The following LSP1 variants were observed in gnomAD, a reference collection of about 807,000 sequenced individuals.
LSP1 encodes the protein lymphocyte specific protein 1, also known as lymphocyte-specific protein 1.
In LSP1, 32 loss-of-function variants were observed where a neutral mutation model predicts 49.3. That is an observed-to-expected ratio of 0.65 (90% CI 0.49 to 0.87). LSP1 has a LOEUF of 0.87. LSP1 is among the 40% of genes least tolerant of loss of function. The pLI is 0.00. For missense variants in LSP1, 428 were observed against 442.6 expected, an observed-to-expected ratio of 0.97 and a Z score of 0.30; for synonymous variants, 179 against 178.8, an observed-to-expected ratio of 1.00 and a Z score of -0.01.
chr11:1,881,295 C>A, intron 2 of LSP1, 137 bp from the exon 3 acceptor site: 1 of 855,134 alleles, frequency 1.2e-6, no homozygotes, highest in Non-Finnish European at 1.7e-6. Flanking sequence ...GAGACACAGC[C>A]CAGAGCCAGC....
chr11:1,872,469 G>C lies in LSP1; in HGVS notation c.54-7618G>C, dbSNP rs112233254. On this transcript the variant is annotated intron_variant, in intron 1 of 10. Transcript: ENST00000311604. ...TGGTAGAGTTGGGGTCTGTCCGCTG[G>C]CGTGGGCACCTTTGGGATGGGGTGT... Among the ~76,000 whole-genome samples the C allele has an allele frequency of 8.3e-3, 1,165 of 139,812 alleles. 20 individuals are homozygous for C. Among genetic ancestry groups the C allele is most frequent in the African/African-American group, 0.029 (1,055 of 36,294 alleles). 91.7% of individuals were successfully genotyped at this position (139,812 alleles called of 152,430 possible).
At position 1,865,217 on chromosome 11, in the gene LSP1, C is replaced by T. The variant is rs370976270; in HGVS notation, c.53+12020C>T. On this transcript the variant is annotated intron_variant, in intron 1 of 10. Transcript: ENST00000311604. ...AGGCTGCAGCCTGGGCAGTCCCGGG[C>T]TTCTGAGGAGGAACTCTAGCAGACA... 10 of 985,420 alleles carry T rather than the reference C, an allele frequency of 1.0e-5. No homozygotes were observed. In the East Asian group the frequency reaches 3.4e-4, roughly 34 times the overall value. The allele number at this position is 985,420 out of a possible 1,614,324, so 61.0% of individuals were successfully genotyped here.
rs1456495178 is a variant in LSP1, at chr11:1,883,894, C to G, written c.499-38C>G. On this transcript the variant is annotated intron_variant, in intron 4 of 10. Coordinates refer to ENST00000311604, the MANE Select transcript of LSP1 (RefSeq NM_002339.3). ...CTGGGCAGGGCAGGAGGGGCACAAG[C>G]AGGGGGTCACTTGGGATGTCTGTTT... 3.2e-6 allele frequency: 5 copies of G among 1,557,836 alleles called. No homozygotes were observed. The Admixed American group carries it at 9.3e-5, about 29-fold the overall frequency.
chr11:1,868,228 C>T (rs995742430), intron 1 of LSP1, among the ~76,000 whole-genome samples: 8 of 152,212 alleles, frequency 5.3e-5, no homozygotes, highest in East Asian at 1.9e-4. Context: ...GGCACCAGGC[C>T]GGCTGAGAGT....
chr11:1,872,714 C>T (rs1247277520), intron 1 of LSP1, among the ~76,000 whole-genome samples: 1 of 149,660 alleles, frequency 6.7e-6, no homozygotes, highest in African/African-American at 2.5e-5. Flanking sequence ...TGTAGTCACC[C>T]TGGCCTGCGC....
chr11:1,870,000 G>A lies in LSP1; in HGVS notation c.54-10087G>A, dbSNP rs1421855096. ...GTCATCAGCTCCCTGGGACCCCTGC[G>A]TGAGACGTGAGAGGTGCACCTCCGA... is the stretch of plus-strand genomic sequence containing the variant. On this transcript the variant is annotated intron_variant, in intron 1 of 10. Transcript: ENST00000311604. 6.2e-5 allele frequency: 24 copies of A among 385,734 alleles called. No individual in the cohort carries two copies. The East Asian group carries it at 8.1e-4, about 13-fold the overall frequency. The allele number at this position is 385,734 out of a possible 1,614,324, so 23.9% of individuals were successfully genotyped here. A position where few individuals can be genotyped will look rare whatever the true frequency, so the allele number is the denominator to read the frequency against.
At chr11:1,853,616 G>A (rs1589801721) in intron 1 of LSP1, among the ~76,000 whole-genome samples, 1 of 152,194 alleles carries the variant, frequency 6.6e-6, no homozygotes, top group African/African-American at 2.4e-5. Context: ...GCCCGGGCCT[G>A]GCCACCTGCC....
intron 1 of LSP1, among the ~76,000 whole-genome samples, chr11:1,878,921 T>C (rs1848423567): frequency 6.6e-6 from 1 of 151,956 alleles, no homozygotes; most frequent in African/African-American, 2.4e-5. Flanking sequence ...GGGCCGGGGC[T>C]CTGATGCCCA....
chr11:1,883,091 G>C (rs1421032976), intron 3 of LSP1, among the ~76,000 whole-genome samples: 6 of 152,226 alleles, frequency 3.9e-5, no homozygotes, highest in Non-Finnish European at 8.8e-5. Flanking sequence ...TGTGCAAGCA[G>C]CTGCCAAGCT....
intron 7 of LSP1, among the ~76,000 whole-genome samples, chr11:1,886,267 C>T (rs1250691402): frequency 1.3e-5 from 2 of 152,000 alleles, no homozygotes; most frequent in Non-Finnish European, 2.9e-5. Flanking sequence ...CAATCAATGC[C>T]CCTCCATCTA....
chr11:1,881,533 A>G lies in LSP1; in HGVS notation c.293A>G (p.Gln98Arg). 6.4e-7 allele frequency: 1 copy of G among 1,554,532 alleles called. No individual in the cohort carries two copies. Among genetic ancestry groups the G allele is most frequent in the Non-Finnish European group, 8.7e-7 (1 of 1,148,722 alleles). ...PEQRQQHEGA[Q>R]GALDSGEPPQ... The stretch of plus-strand genomic sequence containing the variant: ...CAGCGGCAGCAGCACGAGGGGGCGC[A>G]GGGCGCCTTGGACAGCGGAGAGCCC... Residue 98 changes from glutamine (Q) to arginine (R), a missense_variant, in exon 3 of 11, where the codon CAG (glutamine) becomes CGG (arginine). By Grantham distance (43) the Gln-to-Arg change is conservative. Transcript: ENST00000311604.
chr11:1,865,838 T>G (rs569550), intron 1 of LSP1, among the ~76,000 whole-genome samples: 54,778 of 151,342 alleles, frequency 0.36, 11,355 homozygotes, highest in East Asian at 0.73. Flanking sequence ...ACTTCACAGA[T>G]CATGAAACTG....
chr11:1,865,083 G>T, intron 1 of LSP1: 1 of 450,854 alleles, frequency 2.2e-6, no homozygotes, highest in Non-Finnish European at 2.9e-6. Context: ...GCACAGGGGG[G>T]CAGGGGTGCG....
chr11:1,856,472 C>T (rs916622473), intron 1 of LSP1, among the ~76,000 whole-genome samples: 2 of 152,228 alleles, frequency 1.3e-5, no homozygotes, highest in African/African-American at 2.4e-5. Context: ...GGTGGGAGGC[C>T]GCTGCCCAGG....
intron 1 of LSP1, among the ~76,000 whole-genome samples, chr11:1,875,582 C>T (rs1848273434): frequency 6.6e-6 from 1 of 152,264 alleles, no homozygotes; most frequent in Non-Finnish European, 1.5e-5. Context: ...CTCGGCCTCC[C>T]CAGGCAGAGA....
chr11:1,871,749 G>A (rs1293779861), intron 1 of LSP1, among the ~76,000 whole-genome samples: 3 of 150,998 alleles, frequency 2.0e-5, no homozygotes, highest in Non-Finnish European at 3.0e-5. Context: ...GGTGTGTGTG[G>A]CGGGCAGGCC....
At chr11:1,877,590 C>T (rs4047076) in intron 1 of LSP1, among the ~76,000 whole-genome samples, 3 of 152,192 alleles carry the variant, frequency 2.0e-5, no homozygotes, top group Non-Finnish European at 2.9e-5. Context: ...AAACAGTCAA[C>T]GTTTGCCTCA....
In LSP1 at chr11:1,870,410, T is replaced by G. The variant is rs1044221488; in HGVS notation, c.54-9677T>G. 1.7e-5 allele frequency: 21 copies of G among 1,226,246 alleles called. No homozygotes were observed. In the African/African-American group the frequency reaches 3.0e-4, roughly 17 times the overall value. 76.0% of individuals were successfully genotyped at this position (1,226,246 alleles called of 1,614,324 possible). A position where few individuals can be genotyped will look rare whatever the true frequency, so the allele number is the denominator to read the frequency against. ...GCAGACTCTTTTCTGCTCTGCCATG[T>G]CTTCCCTGCACCCCCAGGGATGATG... On this transcript the variant is annotated intron_variant, in intron 1 of 10. Coordinates refer to ENST00000311604, the MANE Select transcript of LSP1 (RefSeq NM_002339.3).
chr11:1,866,762 C>G (rs1208571311), intron 1 of LSP1: 2 of 1,550,496 alleles, frequency 1.3e-6, no homozygotes, highest in East Asian at 4.9e-5. Context: ...CTCACCAGTG[C>G]TACTTAACAA....
Sources: gnomAD v4.1 joint callset for allele counts (sites outside exome capture counted in the v4.1 genomes callset) on GRCh38, gnomAD v4.1.1 for gene constraint, MANE v1.5 for transcripts, NCBI Gene and HGNC (gene_info 2026-07-23, HGNC 2026-07-21) for gene names.